The following ZNF775 variants were observed in gnomAD, a reference collection of about 807,000 sequenced individuals.
The protein encoded by ZNF775 is zinc finger protein 775.
A neutral mutation model predicts 2.4 loss-of-function variants in ZNF775; 1 was observed. The observed-to-expected ratio is 0.41, with a 90% CI of 0.15 to 1.94. ZNF775 has a LOEUF of 1.94. ZNF775 is among the 30% of genes most tolerant of loss of function. ZNF775 has a pLI of 0.30. For synonymous variants in ZNF775, 381 were observed against 373.3 expected (o/e 1.02, Z -0.24); for missense variants, 823 against 826.6 (o/e 1.00, Z 0.05).
Position 150,393,605 on chromosome 7 carries a change from C to G in ZNF775, c.32-2908C>G, listed in dbSNP as rs189861711. 4.0e-3 allele frequency among the ~76,000 whole-genome samples: 606 copies of G among 152,358 alleles called. 4 individuals are homozygous for G. Among genetic ancestry groups the G allele is most frequent in the African/African-American group, 0.014 (578 of 41,576 alleles). On this transcript the variant is annotated intron_variant, in intron 2 of 2. Transcript: ENST00000329630. ...ACCAGGAAGGAAAGAGCCCCTGTTG[C>G]TGCTCAGCCTCACTGTGTGCACATG... is the stretch of plus-strand genomic sequence containing the variant.
chr7:150,389,553 T>C (rs1229054635), intron 2 of ZNF775, among the ~76,000 whole-genome samples: 2 of 152,190 alleles, frequency 1.3e-5, no homozygotes, highest in Admixed American at 1.3e-4. Context: ...TCAGAGCACA[T>C]GTGCCCAGCG....
chr7:150,392,088 T>C (rs1473031774), intron 2 of ZNF775, among the ~76,000 whole-genome samples: 3 of 152,234 alleles, frequency 2.0e-5, no homozygotes, highest in Non-Finnish European at 4.4e-5. Context: ...AGTTTTTATC[T>C]TTTGTATCCT....
chr7:150,385,938 G>T (rs992695230), intron 1 of ZNF775, among the ~76,000 whole-genome samples: 1 of 150,020 alleles, frequency 6.7e-6, no homozygotes, highest in Non-Finnish European at 1.5e-5. Flanking sequence ...ACAGTCCTGG[G>T]TTGTAATGTT....
At chr7:150,390,229 C>T (rs1800539250) in intron 2 of ZNF775, among the ~76,000 whole-genome samples, 1 of 152,066 alleles carries the variant, frequency 6.6e-6, no homozygotes, top group Admixed American at 6.5e-5. Context: ...CGGGAGTGTG[C>T]CTGGGGCTGC....
chr7:150,382,036 G>A lies in ZNF775; in HGVS notation c.-50+2644G>A, dbSNP rs1800373385. 6.6e-6 allele frequency among the ~76,000 whole-genome samples: 1 copy of A among 151,956 alleles called. No individual in the cohort carries two copies. The highest frequency in any genetic ancestry group is 2.4e-5 in the African/African-American group (1 of 41,350). Reference sequence around the variant, plus strand: ...GGGATGGAGGCCTCCAGGTGGGGGAGGGGATGCCCACCTGGTTTGGGCTGG... The same window carrying A: ...GGGATGGAGGCCTCCAGGTGGGGGAAGGGATGCCCACCTGGTTTGGGCTGG... On this transcript the variant is annotated intron_variant, in intron 1 of 2. Transcript: ENST00000329630. This position sits in a 1 kb window ranked among gnomAD's most constrained non-coding sequence, Gnocchi z 4.6.
chr7:150,380,050 A>T (rs1216046148), intron 1 of ZNF775: 2 of 152,220 alleles, frequency 1.3e-5, no homozygotes, highest in African/African-American at 4.8e-5. Flanking sequence ...GGATATCTAC[A>T]TGTGGAAGGT....
rs1481333271 is a variant in ZNF775 at position 150,384,343 on chromosome 7, G to A, written c.-49-4079G>A. On this transcript the variant is annotated intron_variant, in intron 1 of 2. Coordinates refer to ENST00000329630, the MANE Select transcript of ZNF775 (RefSeq NM_173680.4). The surrounding 1 kb of genome is among the most constrained non-coding windows in gnomAD (Gnocchi z 4.1). The stretch of plus-strand genomic sequence containing the variant: ...GGCCCTTGATGCCTGTCTTCCAGCC[G>A]GGGCGCTTTGCTGGGCAGCCTGCTC... Among the ~76,000 whole-genome samples the A allele has an allele frequency of 2.6e-5, 4 of 152,244 alleles. No individual in the cohort carries two copies. Among genetic ancestry groups the A allele is most frequent in the East Asian group, 1.9e-4 (1 of 5,204 alleles).
chr7:150,382,491 G>A lies in ZNF775; in HGVS notation c.-50+3099G>A, dbSNP rs1231871491. Among the ~76,000 whole-genome samples, 2 of 152,198 alleles carry A rather than the reference G, an allele frequency of 1.3e-5. No homozygotes were observed. The highest frequency in any genetic ancestry group is 4.8e-5 in the African/African-American group (2 of 41,454). On this transcript the variant is annotated intron_variant, in intron 1 of 2. Transcript: ENST00000329630. This position sits in a 1 kb window ranked among gnomAD's most constrained non-coding sequence, Gnocchi z 4.6. ...GGGTCCTGAGGGGAGGGACCAGGAA[G>A]GGTGGCCTTGAGAAGGACATCCCTG...
In ZNF775 at chr7:150,387,426, C is replaced by T. The variant is rs145682145; in HGVS notation, c.-49-996C>T. 8.2e-3 allele frequency among the ~76,000 whole-genome samples: 1,243 copies of T among 152,084 alleles called. 8 individuals carry two copies. The highest frequency in any genetic ancestry group is 0.022 in the East Asian group (113 of 5,176). On this transcript the variant is annotated intron_variant, in intron 1 of 2. Coordinates refer to ENST00000329630, the MANE Select transcript of ZNF775 (RefSeq NM_173680.4). ...GGTGAGGGGACAGCCAGGGCAAAGG[C>T]GTGGGGCATCCACACAGCAGTGTGA... is the stretch of plus-strand genomic sequence containing the variant.
chr7:150,397,124 C>G lies in ZNF775; in HGVS notation c.643C>G (p.Arg215Gly), dbSNP rs766240998. 455 of 1,516,242 alleles carry G rather than the reference C, an allele frequency of 3.0e-4. 1 individual carries two copies. Among genetic ancestry groups the G allele is most frequent in the Admixed American group, 1.8e-4 (8 of 43,874 alleles). The allele number at this position is 1,516,242 out of a possible 1,614,324, so 93.9% of individuals were successfully genotyped here. A position where few individuals can be genotyped will look rare whatever the true frequency, so the allele number is the denominator to read the frequency against. Reference protein sequence around the residue: ...GLRIHQRAHARDRQGSRAGLH... With the variant: ...GLRIHQRAHAGDRQGSRAGLH... ...CCGCATCCACCAGCGCGCGCACGCC[C>G]GGGACCGCCAGGGCTCCCGCGCCGG... The change falls in exon 3 of 3, where the codon CGG becomes GGG. Residue 215 changes from arginine to glycine, a missense_variant. Coordinates refer to ENST00000329630, the MANE Select transcript of ZNF775 (RefSeq NM_173680.4).
At chr7:150,385,255 C>A (rs1800429937) in intron 1 of ZNF775, among the ~76,000 whole-genome samples, 1 of 152,226 alleles carries the variant, frequency 6.6e-6, no homozygotes, top group Non-Finnish European at 1.5e-5. Flanking sequence ...TGCGTACAGG[C>A]CCCTGTTGGG....
intron 2 of ZNF775, among the ~76,000 whole-genome samples, chr7:150,391,706 CTTT>C (rs535705895): frequency 1.8e-4 from 13 of 73,570 alleles, no homozygotes; most frequent in Non-Finnish European, 2.3e-4. Flanking sequence ...TCCTTTCTTT[CTTT>C]TTTTTTTTTT....
chr7:150,396,174 G>A (rs1257365177), intron 2 of ZNF775, among the ~76,000 whole-genome samples: 2 of 152,134 alleles, frequency 1.3e-5, no homozygotes, highest in Non-Finnish European at 2.9e-5. Context: ...TCGGCCTCAG[G>A]GTGGAGAAGG....
rs764904058 is a variant in ZNF775, at chr7:150,396,494, TC to T, written c.32-16del. 3 of 1,565,648 alleles carry T rather than the reference TC, an allele frequency of 1.9e-6. No individual in the cohort carries two copies. Among genetic ancestry groups the T allele is most frequent in the South Asian group, 2.3e-5 (2 of 85,434 alleles). ...AGCAGTGACCTCTCTCCCTCCTCTC[TC>T]CCGCTTGCCTCTGGCAGGAGCTGGG... On this transcript the variant is annotated intron_variant, in intron 2 of 2. Transcript: ENST00000329630.
intron 1 of ZNF775, among the ~76,000 whole-genome samples, chr7:150,387,726 C>T (rs951435724): frequency 6.6e-6 from 1 of 151,890 alleles, no homozygotes; most frequent in Admixed American, 6.6e-5. Context: ...GGCAGAATGG[C>T]GTGAACCTGG....
intron 2 of ZNF775, among the ~76,000 whole-genome samples, chr7:150,395,964 G>A (rs565937228): frequency 1.8e-4 from 28 of 152,354 alleles, no homozygotes; most frequent in African/African-American, 6.3e-4. Context: ...AGCCCCGACA[G>A]TATAGACGGT....
Position 150,389,144 on chromosome 7 carries a change from C to A in ZNF775, c.31+643C>A, listed in dbSNP as rs573789244. On this transcript the variant is annotated intron_variant, in intron 2 of 2. Coordinates refer to ENST00000329630, the MANE Select transcript of ZNF775 (RefSeq NM_173680.4). ...CTGTCGCATGTGGCGTGTGGCCCAG[C>A]TGCCAGAAGGGCTCTAGGCCCCTTG... Among the ~76,000 whole-genome samples the A allele has an allele frequency of 9.8e-5, 15 of 152,370 alleles. No homozygotes were observed. In the South Asian group the frequency reaches 1.2e-3, roughly 13 times the overall value.
In ZNF775 at chr7:150,384,514, G is replaced by A. The variant is rs1800418448; in HGVS notation, c.-49-3908G>A. ...TGTGTGTCTGGCCAGCCTGGAACAT[G>A]ACACATGGAGGGCTTTCCTGGATTT... On this transcript the variant is annotated intron_variant, in intron 1 of 2. Coordinates refer to ENST00000329630, the MANE Select transcript of ZNF775 (RefSeq NM_173680.4). This position sits in a 1 kb window ranked among gnomAD's most constrained non-coding sequence, Gnocchi z 4.1. Among the ~76,000 whole-genome samples the A allele has an allele frequency of 1.3e-5, 2 of 152,218 alleles. No individual in the cohort carries two copies. Among genetic ancestry groups the A allele is most frequent in the South Asian group, 4.1e-4 (2 of 4,838 alleles).
At chr7:150,396,411 G>C in intron 2 of ZNF775, 102 bp from the exon 3 acceptor site, 1 of 1,383,860 alleles carries the variant, frequency 7.2e-7, no homozygotes, top group Non-Finnish European at 9.5e-7. Flanking sequence ...GCCCCTCTCT[G>C]CCCTCCTGCA....
Sources: gnomAD v4.1 joint callset for allele counts (sites outside exome capture counted in the v4.1 genomes callset) on GRCh38, gnomAD v4.1.1 for gene constraint, Gnocchi (gnomAD v3.1) non-coding constraint, MANE v1.5 for transcripts, NCBI Gene and HGNC (gene_info 2026-07-23, HGNC 2026-07-21) for gene names.